Variants in PLCE1 observed in about 807,000 individuals in gnomAD.
PLCE1 encodes phospholipase C epsilon 1, also known as 1-phosphatidylinositol 4,5-bisphosphate phosphodiesterase epsilon-1.
In PLCE1, 119 loss-of-function variants were observed where a neutral mutation model predicts 242.8. The ratio of observed to expected loss-of-function variants is 0.49; its 90% CI spans 0.42 to 0.57. The LOEUF is 0.57. Among genes scored for constraint, PLCE1 ranks in the 20% least tolerant of loss-of-function variants. The pLI is 0.00. For synonymous variants in PLCE1, 945 were observed against 1,017.4 expected (o/e 0.93, Z 1.35); for missense variants, 2,441 against 2,788.8 (o/e 0.88, Z 2.81).
chr10:94,194,494 C>T (rs559664515), intron 4 of PLCE1, among the ~76,000 whole-genome samples: 18 of 152,296 alleles, frequency 1.2e-4, no homozygotes, highest in African/African-American at 1.9e-4. Context: ...TCTGTCTACC[C>T]GGATGACTCA....
intron 3 of PLCE1, among the ~76,000 whole-genome samples, chr10:94,157,790 T>G (rs1355868696): frequency 6.6e-6 from 1 of 152,196 alleles, no homozygotes; most frequent in Non-Finnish European, 1.5e-5. Context: ...ATTTGTACAT[T>G]GAGACTAAAA....
intron 1 of PLCE1, among the ~76,000 whole-genome samples, chr10:94,015,949 T>C (rs1041780524): frequency 2.0e-5 from 3 of 152,190 alleles, no homozygotes; most frequent in Non-Finnish European, 4.4e-5. Context: ...ACATAGTGGG[T>C]GTTAAAAATT....
intron 9 of PLCE1, among the ~76,000 whole-genome samples, chr10:94,252,747 G>A (rs1236125921): frequency 6.6e-6 from 1 of 152,136 alleles, no homozygotes; most frequent in Non-Finnish European, 1.5e-5. Context: ...AGACATCGTT[G>A]AGTCACCCAC....
In PLCE1 at chr10:94,306,498, C is replaced by A. The variant is rs2053211300; in HGVS notation, c.5694C>A (p.Gly1898=). The change falls in exon 26 of 33, where the codon GGC becomes GGA. Residue 1898 remains glycine (G), a synonymous_variant. Coordinates refer to ENST00000371380, the MANE Select transcript of PLCE1 (RefSeq NM_016341.4). This position sits in a 1 kb window ranked among gnomAD's most constrained non-coding sequence, Gnocchi z 5.7. ...GSPCIEVDVL[G]MPLDSCHFRT... is the part of the protein sequence containing the mutation. ...CGTGCATTGAAGTCGACGTCCTGGG[C>A]ATGCCTCTGGACAGCTGCCATTTCC... The A allele has an allele frequency of 6.2e-7, 1 of 1,614,148 alleles. No individual in the cohort carries two copies. The highest frequency in any genetic ancestry group is 8.5e-7 in the Non-Finnish European group (1 of 1,179,992).
At chr10:94,202,817 G>T (rs2797999) in intron 4 of PLCE1, among the ~76,000 whole-genome samples, 1 of 151,992 alleles carries the variant, frequency 6.6e-6, no homozygotes, top group African/African-American at 2.4e-5. Flanking sequence ...GCAGCTACTT[G>T]AACCTCAGGG....
At chr10:94,323,240 T>C (rs547712171) in intron 30 of PLCE1, among the ~76,000 whole-genome samples, 2 of 152,300 alleles carry the variant, frequency 1.3e-5, no homozygotes, top group East Asian at 1.9e-4. Context: ...TCAGAGAAGT[T>C]TGCTTCCTTC....
intron 7 of PLCE1, among the ~76,000 whole-genome samples, chr10:94,236,613 G>T (rs1291743948): frequency 2.0e-5 from 3 of 152,246 alleles, no homozygotes; most frequent in Middle Eastern, 3.4e-3. Context: ...TAAGTCGAGG[G>T]TTAGTGATCT....
At chr10:94,180,989 A>G (rs985024722) in intron 4 of PLCE1, among the ~76,000 whole-genome samples, 2 of 152,230 alleles carry the variant, frequency 1.3e-5, no homozygotes, top group Admixed American at 1.3e-4. Context: ...ATGGACTAAG[A>G]CAGATAGCTT....
intron 22 of PLCE1, chr10:94,287,177 A>G (rs1050483230): frequency 3.9e-5 from 6 of 151,954 alleles, no homozygotes; most frequent in African/African-American, 1.5e-4. Flanking sequence ...AAGTGTTCAC[A>G]TAGCATACAT....
chr10:94,087,084 A>G (rs903492929), intron 2 of PLCE1, among the ~76,000 whole-genome samples: 7 of 152,294 alleles, frequency 4.6e-5, no homozygotes, highest in Admixed American at 3.3e-4. Context: ...ACAGTGGCTC[A>G]TGCCTGTAAT....
At chr10:94,061,581 T>C (rs1405646900) in intron 2 of PLCE1, among the ~76,000 whole-genome samples, 1 of 152,152 alleles carries the variant, frequency 6.6e-6, no homozygotes, top group Non-Finnish European at 1.5e-5. Flanking sequence ...TAGGTGTGGC[T>C]CATGCCTATA....
chr10:94,041,849 T>C (rs1413325661), intron 2 of PLCE1, among the ~76,000 whole-genome samples: 1 of 152,104 alleles, frequency 6.6e-6, no homozygotes. Flanking sequence ...CCAATACTTT[T>C]GGTAAGAGAC....
In PLCE1 at chr10:94,316,727, G is replaced by T; in HGVS notation, c.6313G>T (p.Gly2105Cys). The change falls in exon 29 of 33, where the codon GGC (glycine) becomes TGC (cysteine). Residue 2105 changes from glycine to cysteine, a missense_variant. By Grantham distance (159) the Gly-to-Cys change is radical (BLOSUM62 -3). Transcript: ENST00000371380. ...SSWFPEEGYM[G>C]RIVLKTQQEN... ...CTGGTTTCCAGAAGAGGGATACATG[G>T]GCAGGATTGTCTTAAAAACCCAGCA... is the stretch of plus-strand genomic sequence containing the variant. 6.2e-7 allele frequency: 1 copy of T among 1,613,940 alleles called. No homozygotes were observed. Among genetic ancestry groups the T allele is most frequent in the Middle Eastern group, 1.6e-4 (1 of 6,062 alleles).
intron 2 of PLCE1, among the ~76,000 whole-genome samples, chr10:94,061,698 TAA>T (rs796453826): frequency 7.0e-6 from 1 of 142,160 alleles, no homozygotes; most frequent in Non-Finnish European, 1.5e-5. Context: ...AAAAAGGAAT[TAA>T]AAAAAAAAAA....
chr10:94,056,855 C>T (rs1228716622), intron 2 of PLCE1, among the ~76,000 whole-genome samples: 1 of 114,134 alleles, frequency 8.8e-6, no homozygotes, highest in Admixed American at 1.2e-4. Context: ...TGCTTTTTGT[C>T]TTTATGGATT....
At chr10:94,112,936 A>T (rs1255112603) in intron 2 of PLCE1, among the ~76,000 whole-genome samples, 2 of 152,206 alleles carry the variant, frequency 1.3e-5, no homozygotes, top group African/African-American at 4.8e-5. Flanking sequence ...TTTATTGGGT[A>T]CCTACTATGT....
intron 2 of PLCE1, among the ~76,000 whole-genome samples, chr10:94,053,459 C>T (rs78244545): frequency 2.5e-3 from 377 of 152,310 alleles, no homozygotes; most frequent in African/African-American, 8.6e-3. Flanking sequence ...TTTGTTAGCA[C>T]GCATGACATT....
chr10:94,294,253 A>G (rs773245055), intron 23 of PLCE1, among the ~76,000 whole-genome samples: 2 of 152,216 alleles, frequency 1.3e-5, no homozygotes, highest in African/African-American at 2.4e-5. Context: ...CTTCACCATT[A>G]TAACTCCAGA....
chr10:94,041,036 A>G (rs1177430605), intron 2 of PLCE1, among the ~76,000 whole-genome samples: 3 of 152,084 alleles, frequency 2.0e-5, no homozygotes, highest in African/African-American at 7.2e-5. Flanking sequence ...CTTGTCCTTT[A>G]CATGAAACCT....
Sources: gnomAD v4.1 joint callset for allele counts (sites outside exome capture counted in the v4.1 genomes callset) on GRCh38, gnomAD v4.1.1 for gene constraint, Gnocchi (gnomAD v3.1) non-coding constraint, MANE v1.5 for transcripts, NCBI Gene and HGNC (gene_info 2026-07-23, HGNC 2026-07-21) for gene names.